FSAF1: variants seen among roughly 807,000 people sequenced by gnomAD.
FSAF1 encodes the protein uncharacterized protein C1orf131.
chr1:231,226,179 C>T, the FSAF1 span, among the ~76,000 whole-genome samples: 15 of 152,082 alleles, frequency 9.9e-5, no homozygotes, highest in African/African-American at 3.4e-4. Flanking sequence ...CAATGGATCC[C>T]TCATGAATGG....
chr1:231,229,838 G>A, the FSAF1 span, among the ~76,000 whole-genome samples: 1 of 152,292 alleles, frequency 6.6e-6, no homozygotes, highest in East Asian at 1.9e-4. Flanking sequence ...GCTGGAGGGA[G>A]GGGAATGGGG....
At chr1:231,225,221 T>C in the FSAF1 span, 2 of 546,742 alleles carry the variant, frequency 3.7e-6, no homozygotes, top group South Asian at 2.6e-5. Flanking sequence ...AAATGTAAAC[T>C]GCAGCTTTTC....
chr1:231,232,109 G>A, the FSAF1 span, among the ~76,000 whole-genome samples: 4 of 152,210 alleles, frequency 2.6e-5, no homozygotes, highest in South Asian at 6.2e-4. Flanking sequence ...ACCCACCACT[G>A]TCTAATTTTT....
the FSAF1 span, among the ~76,000 whole-genome samples, chr1:231,228,255 C>T: frequency 2.0e-5 from 3 of 152,174 alleles, no homozygotes; most frequent in Admixed American, 6.5e-5. Context: ...GTATCAGTGG[C>T]GTTGTAGTCA....
At chr1:231,236,050 C>T in the FSAF1 span, among the ~76,000 whole-genome samples, 1 of 152,110 alleles carries the variant, frequency 6.6e-6, no homozygotes, top group Non-Finnish European at 1.5e-5. Flanking sequence ...TTACCATTAC[C>T]CATCATATAT....
chr1:231,235,798 G>A, the FSAF1 span, among the ~76,000 whole-genome samples: 1 of 152,084 alleles, frequency 6.6e-6, no homozygotes, highest in South Asian at 2.1e-4. Flanking sequence ...GTGACACCCT[G>A]TCTCTAAACA....
chr1:231,224,094 C>G, the FSAF1 span: 3 of 596,218 alleles, frequency 5.0e-6, no homozygotes, highest in East Asian at 9.5e-5. Context: ...GGGCCTGACA[C>G]GTTCAGCACC....
chr1:231,241,083 G>A, the FSAF1 span: 5 of 1,614,182 alleles, frequency 3.1e-6, no homozygotes, highest in Admixed American at 3.3e-5. Context: ...GGGAGGCGTG[G>A]AGGACCCCGG....
At chr1:231,226,714 A>G in the FSAF1 span, 1 of 1,564,800 alleles carries the variant, frequency 6.4e-7, no homozygotes, top group Non-Finnish European at 8.8e-7. Flanking sequence ...TTCTAGTTGA[A>G]TAAAGGACAG....
At chr1:231,225,449 A>G in the FSAF1 span, 2 of 1,610,380 alleles carry the variant, frequency 1.2e-6, no homozygotes, top group Non-Finnish European at 1.7e-6. Flanking sequence ...GTTCAACCCC[A>G]GGACCTGATA....
the FSAF1 span, among the ~76,000 whole-genome samples, chr1:231,236,188 G>A: frequency 6.6e-6 from 1 of 152,176 alleles, no homozygotes; most frequent in Non-Finnish European, 1.5e-5. Context: ...AGCACCAGTT[G>A]GCTGACTACC....
chr1:231,225,675 CCCTAAAACCCTTTCAA>C, the FSAF1 span: 1 of 709,226 alleles, frequency 1.4e-6, no homozygotes, highest in Non-Finnish European at 2.4e-6. Context: ...CAAAGTTTTA[CCCTAAAACCCTTTCAA>C]GAATGTGAAA....
At chr1:231,239,069 T>C in the FSAF1 span, 4 of 1,614,210 alleles carry the variant, frequency 2.5e-6, no homozygotes, top group Non-Finnish European at 3.4e-6. Context: ...TGGCCTCTTA[T>C]GAGAGAACCA....
the FSAF1 span, chr1:231,225,225 G>A: frequency 1.8e-6 from 1 of 549,736 alleles, no homozygotes; most frequent in East Asian, 2.9e-5. Context: ...GTAAACTGCA[G>A]CTTTTCCACT....
chr1:231,226,792 A>G, the FSAF1 span: 1 of 1,610,602 alleles, frequency 6.2e-7, no homozygotes, highest in East Asian at 2.2e-5. Context: ...TGCTCCTGTA[A>G]AACCTTGTAA....
chr1:231,238,803 A>C, the FSAF1 span: 1 of 1,486,960 alleles, frequency 6.7e-7, no homozygotes, highest in Non-Finnish European at 9.1e-7. Flanking sequence ...TATTCACCTA[A>C]TACTACAATA....
At chr1:231,232,338 T>A in the FSAF1 span, among the ~76,000 whole-genome samples, 8 of 152,140 alleles carry the variant, frequency 5.3e-5, no homozygotes, top group Admixed American at 5.2e-4. Flanking sequence ...CTAGGTGGCT[T>A]TCCCTGGCCA....
the FSAF1 span, among the ~76,000 whole-genome samples, chr1:231,234,975 G>A: frequency 6.6e-6 from 1 of 152,144 alleles, no homozygotes; most frequent in Non-Finnish European, 1.5e-5. The surrounding 1 kb of genome is among the most constrained non-coding windows in gnomAD (Gnocchi z 4.0). Flanking sequence ...ACCAGGTTCT[G>A]CATGGTACTC....
chr1:231,224,685 T>G, the FSAF1 span: 1 of 397,860 alleles, frequency 2.5e-6, no homozygotes, highest in South Asian at 6.3e-5. Context: ...AGCTCCGATG[T>G]CACCTCCTCA....
Sources: allele counts gnomAD v4.1 joint callset (sites outside exome capture counted in the v4.1 genomes callset), GRCh38; gene constraint gnomAD v4.1.1; non-coding constraint Gnocchi (gnomAD v3.1); transcripts MANE v1.5; gene names NCBI Gene and HGNC (gene_info 2026-07-23, HGNC 2026-07-21).